Variants in DAB1 observed in about 807,000 individuals in gnomAD.
DAB1 encodes disabled homolog 1.
A neutral mutation model predicts 64.6 loss-of-function variants in DAB1; 15 were observed. That is an observed-to-expected ratio of 0.23 (90% CI 0.16 to 0.36). The LOEUF is 0.36. Among genes scored for constraint, DAB1 ranks in the 10% least tolerant of loss-of-function variants. DAB1 has a pLI of 1.00. For missense variants in DAB1, 596 were observed against 706.7 expected (o/e 0.84, Z 1.78); for synonymous variants, 235 against 251.9 (o/e 0.93, Z 0.64).
Position 58,394,801 on chromosome 1 carries a change from A to G in DAB1, n.258-51398T>C, listed in dbSNP as rs138772606. ...TTATTATACTTTGGGGGCCAATGAA[A>G]GTGTTCTGTTTCTTGATTGTGCTGG... On this transcript the variant is annotated intron_variant and non_coding_transcript_variant, in intron 3 of 20. Coordinates refer to the DAB1 transcript ENST00000485760. 6.7e-3 allele frequency among the ~76,000 whole-genome samples: 1,013 copies of G among 152,234 alleles called. 9 individuals are homozygous for G. Among genetic ancestry groups the G allele is most frequent in the South Asian group, 0.023 (109 of 4,824 alleles).
intron 6 of DAB1, among the ~76,000 whole-genome samples, chr1:57,724,335 A>AGAGGGGAGGG (rs1457097221): frequency 1.2e-5 from 1 of 83,022 alleles, no homozygotes; most frequent in East Asian, 4.1e-4. Context: ...AGGAAGGAAG[A>AGAGGGGAGGG]GAGGGGAGGG....
intron 3 of DAB1, among the ~76,000 whole-genome samples, chr1:58,435,617 C>T (rs1569781496): frequency 6.6e-6 from 1 of 152,174 alleles, no homozygotes; most frequent in South Asian, 2.1e-4. Context: ...GTCATCCCCT[C>T]GTCCTGGAAT....
chr1:57,202,203 T>TA (rs1358555894), intron 2 of DAB1, among the ~76,000 whole-genome samples: 1 of 152,176 alleles, frequency 6.6e-6, no homozygotes. Context: ...CAGATTTTTT[T>TA]AAAAAGCCTT....
chr1:57,610,925 T>G (rs1645718176), intron 7 of DAB1, among the ~76,000 whole-genome samples: 1 of 152,156 alleles, frequency 6.6e-6, no homozygotes, highest in Non-Finnish European at 1.5e-5. Context: ...TTTTCAGAAG[T>G]CAGTGCCTTG....
chr1:57,176,523 A>G (rs12072527), intron 2 of DAB1, among the ~76,000 whole-genome samples: 33,313 of 152,012 alleles, frequency 0.22, 4,212 homozygotes, highest in African/African-American at 0.35. Flanking sequence ...ACAATTCAAG[A>G]TGAGATTTGG....
At position 57,984,184 on chromosome 1, in the gene DAB1, A is replaced by AAAAGAAAGAAAGAAAG. The variant is rs557402048; in HGVS notation, n.388-100038_388-100023dup. On this transcript the variant is annotated intron_variant and non_coding_transcript_variant, in intron 5 of 20. Transcript: ENST00000485760. ...TTCAGGGCCCAGGACTAGCTTAAAAAAAAGAAAGAAAGAAAGAAAGAAAGA... is the reference window on the plus strand; with the variant it reads ...TTCAGGGCCCAGGACTAGCTTAAAAAAAAGAAAGAAAGAAAGAAAGAAAGAAAGAAAGAAAGAAAGA... 3.3e-3 allele frequency among the ~76,000 whole-genome samples: 169 copies of AAAAGAAAGAAAGAAAG among 50,624 alleles called. 5 individuals are homozygous for AAAAGAAAGAAAGAAAG. The highest frequency in any genetic ancestry group is 4.8e-3 in the African/African-American group (87 of 17,950). The allele number at this position is 50,624 out of a possible 152,430, so 33.2% of individuals were successfully genotyped here.
At chr1:57,945,669 T>C (rs1186774959) in intron 5 of DAB1, among the ~76,000 whole-genome samples, 1 of 152,178 alleles carries the variant, frequency 6.6e-6, no homozygotes, top group Non-Finnish European at 1.5e-5. Context: ...CACTCACTGA[T>C]ACTTATCTTG....
At chr1:57,943,277 A>G (rs1163367748) in intron 5 of DAB1, among the ~76,000 whole-genome samples, 1 of 152,236 alleles carries the variant, frequency 6.6e-6, no homozygotes, top group Non-Finnish European at 1.5e-5. Flanking sequence ...CAATGAACAT[A>G]TAATGCAAGA....
At chr1:57,371,953 C>T (rs1680531419) in intron 1 of DAB1, among the ~76,000 whole-genome samples, 2 of 152,138 alleles carry the variant, frequency 1.3e-5, no homozygotes, top group South Asian at 4.1e-4. Context: ...CACAAAATGT[C>T]AATACTACTG....
intron 8 of DAB1, among the ~76,000 whole-genome samples, chr1:57,066,274 T>C (rs1650901875): frequency 6.6e-6 from 1 of 152,206 alleles, no homozygotes; most frequent in East Asian, 1.9e-4. Context: ...GTTCTGACCT[T>C]GTATTCAGCA....
At chr1:57,641,277 T>C (rs376715468) in intron 7 of DAB1, among the ~76,000 whole-genome samples, 9 of 152,164 alleles carry the variant, frequency 5.9e-5, no homozygotes, top group African/African-American at 2.2e-4. Context: ...TTTGATCTTA[T>C]ATTCTTATAT....
chr1:58,063,825 G>A (rs1648666218), intron 5 of DAB1, among the ~76,000 whole-genome samples: 1 of 152,190 alleles, frequency 6.6e-6, no homozygotes, highest in Non-Finnish European at 1.5e-5. Context: ...TTCTACAGCT[G>A]CTAAGTGGAA....
chr1:57,270,914 T>C (rs1670943882), intron 2 of DAB1, among the ~76,000 whole-genome samples: 1 of 152,116 alleles, frequency 6.6e-6, no homozygotes, highest in African/African-American at 2.4e-5. Flanking sequence ...ACCCAGACCA[T>C]CATCTGTAAT....
chr1:57,071,103 A>G (rs1452595713), intron 6 of DAB1, 42 bp from the exon 7 acceptor site: 4 of 1,565,978 alleles, frequency 2.6e-6, no homozygotes, highest in Middle Eastern at 3.4e-4. Context: ...AGCAGAGGAC[A>G]TAAAGGAAGA....
intron 5 of DAB1, among the ~76,000 whole-genome samples, chr1:58,034,784 G>T (rs1173081740): frequency 6.6e-6 from 1 of 152,066 alleles, no homozygotes; most frequent in Non-Finnish European, 1.5e-5. Context: ...AGTCAATTTG[G>T]TTTTGCAGCC....
chr1:57,262,887 A>T (rs888486613), intron 2 of DAB1, among the ~76,000 whole-genome samples: 1 of 152,188 alleles, frequency 6.6e-6, no homozygotes, highest in Non-Finnish European at 1.5e-5. Context: ...CCTCTCAGGT[A>T]TCTCAGAACA....
chr1:57,302,695 C>T (rs1368895417), intron 1 of DAB1, among the ~76,000 whole-genome samples: 2 of 152,132 alleles, frequency 1.3e-5, no homozygotes, highest in East Asian at 3.9e-4. Flanking sequence ...CCTCCAACTC[C>T]TGGGTTCGAG....
chr1:58,517,206 T>C (rs891307467), intron 2 of DAB1, among the ~76,000 whole-genome samples: 2 of 152,220 alleles, frequency 1.3e-5, no homozygotes, highest in Non-Finnish European at 2.9e-5. Context: ...AACACACATC[T>C]GGACTACTGA....
At chr1:57,511,103 G>T (rs1644400099) in intron 7 of DAB1, among the ~76,000 whole-genome samples, 1 of 152,154 alleles carries the variant, frequency 6.6e-6, no homozygotes, top group Admixed American at 6.5e-5. Flanking sequence ...CTGGATGATT[G>T]CAATAGTCCC....
Sources: gnomAD v4.1 joint callset for allele counts (sites outside exome capture counted in the v4.1 genomes callset) on GRCh38, gnomAD v4.1.1 for gene constraint, MANE v1.5 for transcripts, NCBI Gene and HGNC (gene_info 2026-07-23, HGNC 2026-07-21) for gene names.